Variants in PIK3CG observed in about 807,000 individuals in gnomAD.
PIK3CG encodes phosphatidylinositol-4,5-bisphosphate 3-kinase catalytic subunit gamma, also known as phosphatidylinositol 4,5-bisphosphate 3-kinase catalytic subunit gamma isoform.
In PIK3CG, 55 loss-of-function variants were observed where a neutral mutation model predicts 102.3. The observed-to-expected ratio is 0.54, with a 90% CI of 0.43 to 0.67. The LOEUF (loss-of-function observed/expected upper bound fraction) is 0.67, where lower values mean the gene tolerates loss of function less well. Among genes scored for constraint, PIK3CG ranks in the 30% least tolerant of loss-of-function variants. The pLI, the probability that PIK3CG is intolerant of heterozygous loss-of-function variation, is 0.00. For missense variants in PIK3CG, 1,258 were observed against 1,391.8 expected, an observed-to-expected ratio of 0.90 and a Z score of 1.53; for synonymous variants, 552 against 540.0, an observed-to-expected ratio of 1.02 and a Z score of -0.31.
intron 9 of PIK3CG, 21 bp from the exon 10 acceptor site, chr7:106,886,114 C>T (rs2116559999): frequency 6.2e-7 from 1 of 1,609,684 alleles, no homozygotes. Context: ...GTAATGATGT[C>T]AGATACTTTC....
At chr7:106,871,520 G>A (rs1184106720) in intron 2 of PIK3CG, among the ~76,000 whole-genome samples, 1 of 152,172 alleles carries the variant, frequency 6.6e-6, no homozygotes, top group Non-Finnish European at 1.5e-5. Flanking sequence ...AAACTAGAAT[G>A]TGAATTTCTT....
In PIK3CG at chr7:106,890,339, A is replaced by G. The variant is rs1227072706; in HGVS notation, c.3030+4047A>G. Among the ~76,000 whole-genome samples the G allele has an allele frequency of 2.0e-5, 3 of 151,782 alleles. No homozygotes were observed. The highest frequency in any genetic ancestry group is 4.8e-5 in the African/African-American group (2 of 41,306). ...TGGGACTACAGGCGCCTGCCACCAC[A>G]TCCAGCTAATTTTTCATATTTTTAG... On this transcript the variant is annotated intron_variant, in intron 10 of 10. Transcript: ENST00000496166. The surrounding 1 kb of genome is among the most constrained non-coding windows in gnomAD (Gnocchi z 4.2).
In PIK3CG at chr7:106,879,581, C is replaced by T. The variant is rs763798647; in HGVS notation, c.2454C>T (p.Ala818=). The change falls in exon 6 of 11, where the codon GCC becomes GCT. Residue 818 remains alanine (A), a synonymous_variant. Transcript: ENST00000496166. The surrounding 1 kb of genome is among the most constrained non-coding windows in gnomAD (Gnocchi z 4.9). ...CACTATGGCTTGAGTTTAAATGTGC[C>T]GATCCTACAGCCCTATCAAATGAAA... is the stretch of plus-strand genomic sequence containing the variant. ...KKPLWLEFKC[A]DPTALSNETI... is the part of the protein sequence containing the mutation. 1.4e-5 allele frequency: 22 copies of T among 1,612,438 alleles called. No individual in the cohort carries two copies. The highest frequency in any genetic ancestry group is 2.7e-5 in the African/African-American group (2 of 74,844).
Position 106,868,577 on chromosome 7 carries a change from T to A in PIK3CG, c.1016T>A (p.Leu339His), listed in dbSNP as rs1486644188. The change falls in exon 2 of 11, where the codon CTT (leucine) becomes CAT (histidine). Residue 339 changes from leucine to histidine, a missense_variant. Transcript: ENST00000496166. The surrounding 1 kb of genome is among the most constrained non-coding windows in gnomAD (Gnocchi z 6.2). The part of the protein sequence containing the change: ...CTGVTGYHEQ[L>H]TIHGKDHESV... ...GGAGTCACCGGCTACCATGAGCAGC[T>A]TACCATCCACGGCAAGGACCACGAG... 1.2e-6 allele frequency: 2 copies of A among 1,614,158 alleles called. No individual in the cohort carries two copies. Among genetic ancestry groups the A allele is most frequent in the Admixed American group, 3.3e-5 (2 of 60,020 alleles).
In PIK3CG at chr7:106,891,314, G is replaced by A. The variant is rs755443607; in HGVS notation, c.3030+5022G>A. On this transcript the variant is annotated intron_variant, in intron 10 of 10. Transcript: ENST00000496166. The surrounding 1 kb of genome is among the most constrained non-coding windows in gnomAD (Gnocchi z 4.4). The stretch of plus-strand genomic sequence containing the variant: ...ACCATCATCACATGGAAGGTAATAA[G>A]CCTTCAGGAGGCAGGTTAACATGCG... 5.9e-5 allele frequency among the ~76,000 whole-genome samples: 9 copies of A among 152,194 alleles called. No individual in the cohort carries two copies. Among genetic ancestry groups the A allele is most frequent in the Non-Finnish European group, 1.2e-4 (8 of 68,044 alleles).
rs962211826 is a variant in PIK3CG at position 106,868,775 on chromosome 7, C to G, written c.1214C>G (p.Thr405Arg). 6.2e-7 allele frequency: 1 copy of G among 1,614,118 alleles called. No individual in the cohort carries two copies. The highest frequency in any genetic ancestry group is 8.5e-7 in the Non-Finnish European group (1 of 1,180,050). ...AGGAGAACCAGCCCCAAACCCTTCA[C>G]AGAGGAGGTGCTGTGGAATGTGTGG... ...CQRRTSPKPF[T>R]EEVLWNVWLE... The change falls in exon 2 of 11, where the codon ACA (threonine) becomes AGA (arginine). Residue 405 changes from threonine to arginine, a missense_variant. Transcript: ENST00000496166. This position sits in a 1 kb window ranked among gnomAD's most constrained non-coding sequence, Gnocchi z 6.2.
chr7:106,882,826 C>T (rs1790980196), intron 7 of PIK3CG: 1 of 461,042 alleles, frequency 2.2e-6, no homozygotes, highest in Non-Finnish European at 3.8e-6. Flanking sequence ...ATATTGAAAA[C>T]ATATCCCACA....
Position 106,869,485 on chromosome 7 carries a change from G to A in PIK3CG, c.1924G>A (p.Ala642Thr). The A allele has an allele frequency of 1.9e-6, 3 of 1,614,226 alleles. No homozygotes were observed. Among genetic ancestry groups the A allele is most frequent in the Non-Finnish European group, 1.7e-6 (2 of 1,180,032 alleles). Residue 642 changes from alanine to threonine, a missense_variant, in exon 2 of 11, where the codon GCC becomes ACC. By Grantham distance (58) the Ala-to-Thr change is moderately conservative. Around this residue, in one of 2 missense-constraint regions of PIK3CG, gnomAD observed 426 missense variants for 604.2 expected, o/e 0.71. Coordinates refer to ENST00000496166, the MANE Select transcript of PIK3CG (RefSeq NM_001282426.2). The surrounding 1 kb of genome is among the most constrained non-coding windows in gnomAD (Gnocchi z 5.3). The part of the protein sequence containing the change: ...DCNFSDENVR[A>T]IAVQKLESLE... Reference sequence around the variant, plus strand: ...CAACTTCTCAGATGAAAATGTAAGAGCCATTGCAGTTCAGAAACTGGAGAG... The same window carrying A: ...CAACTTCTCAGATGAAAATGTAAGAACCATTGCAGTTCAGAAACTGGAGAG...
Position 106,868,279 on chromosome 7 carries a change from A to AC in PIK3CG, c.723dup (p.Gly242ArgfsTer38), listed in dbSNP as rs1790388553. The AC allele has an allele frequency of 1.9e-6, 3 of 1,613,820 alleles. No individual in the cohort carries two copies. Among genetic ancestry groups the AC allele is most frequent in the Non-Finnish European group, 1.7e-6 (2 of 1,180,014 alleles). On this transcript the variant is annotated frameshift_variant, in exon 2 of 11. Transcript: ENST00000496166. LOFTEE classifies it high-confidence loss of function. This position sits in a 1 kb window ranked among gnomAD's most constrained non-coding sequence, Gnocchi z 6.2. ...GACCATTAAGGTCTCACCCGACGACACCCCCGGCGCCATCCTGCAGAGCTT... is the reference window on the plus strand; with the variant it reads ...GACCATTAAGGTCTCACCCGACGACACCCCCCGGCGCCATCCTGCAGAGCTT...
In PIK3CG at chr7:106,883,849, A is replaced by G. The variant is rs1404338304; in HGVS notation, c.2761-306A>G. 4.6e-5 allele frequency among the ~76,000 whole-genome samples: 7 copies of G among 152,224 alleles called. No homozygotes were observed. The highest frequency in any genetic ancestry group is 7.3e-5 in the Non-Finnish European group (5 of 68,042). On this transcript the variant is annotated intron_variant, in intron 8 of 10. Coordinates refer to ENST00000496166, the MANE Select transcript of PIK3CG (RefSeq NM_001282426.2). The surrounding 1 kb of genome is among the most constrained non-coding windows in gnomAD (Gnocchi z 5.8). ...GTTCACAAATGAAGGAGAAATTACC[A>G]TGGGTTCTATATAGTTGTTGGCAAG...
At position 106,905,271 on chromosome 7, in the gene PIK3CG, A is replaced by G. The variant is rs151301577; in HGVS notation, c.3193A>G (p.Lys1065Glu). The G allele has an allele frequency of 1.2e-6, 2 of 1,614,134 alleles. No homozygotes were observed. The highest frequency in any genetic ancestry group is 1.3e-5 in the African/African-American group (1 of 75,050). The change falls in exon 11 of 11, where the codon AAA becomes GAA. Residue 1065 changes from lysine to glutamate, a missense_variant. By Grantham distance (56) the Lys-to-Glu change is moderately conservative. Around this residue, in one of 2 missense-constraint regions of PIK3CG, gnomAD observed 426 missense variants for 604.2 expected, o/e 0.71. Coordinates refer to ENST00000496166, the MANE Select transcript of PIK3CG (RefSeq NM_001282426.2). This position sits in a 1 kb window ranked among gnomAD's most constrained non-coding sequence, Gnocchi z 5.6. ...AGTGGGGAAAAATGAGGAGGATGCT[A>G]AAAAGTATTTTCTTGATCAGATCGA... ...LTVGKNEEDA[K>E]KYFLDQIEVC...
chr7:106,878,388 G>A (rs1250991119), intron 5 of PIK3CG, among the ~76,000 whole-genome samples: 1 of 152,142 alleles, frequency 6.6e-6, no homozygotes, highest in Non-Finnish European at 1.5e-5. Flanking sequence ...TTGAATTTGT[G>A]AGTTTATAGT....
At chr7:106,875,038 A>C (rs2116501270) in intron 5 of PIK3CG, among the ~76,000 whole-genome samples, 1 of 152,276 alleles carries the variant, frequency 6.6e-6, no homozygotes, top group East Asian at 1.9e-4. Context: ...GTATACAATA[A>C]AAATTGTCCA....
intron 2 of PIK3CG, among the ~76,000 whole-genome samples, chr7:106,871,722 G>A (rs572102003): frequency 6.6e-6 from 1 of 152,222 alleles, no homozygotes; most frequent in African/African-American, 2.4e-5. Flanking sequence ...TTACAGAAAA[G>A]CACAGAGAAC....
At chr7:106,904,984 G>A (rs534944540) in intron 10 of PIK3CG, 125 bp from the exon 11 acceptor site, 21 of 792,936 alleles carry the variant, frequency 2.6e-5, no homozygotes, top group Admixed American at 9.6e-5. Context: ...TCTGAGGCAG[G>A]GACCTTGATG....
chr7:106,882,918 A>T, intron 7 of PIK3CG, 115 bp from the exon 8 acceptor site: 1 of 119,784 alleles, frequency 8.3e-6, no homozygotes, highest in Non-Finnish European at 1.3e-5. Flanking sequence ...CTCTCTGGTC[A>T]AAAAAAAAAA....
Position 106,882,224 on chromosome 7 carries a change from G to T in PIK3CG, c.2629+17G>T. 7.6e-7 allele frequency: 1 copy of T among 1,310,804 alleles called. No individual in the cohort carries two copies. The highest frequency in any genetic ancestry group is 1.1e-6 in the Non-Finnish European group (1 of 936,664). The allele number at this position is 1,310,804 out of a possible 1,614,324, so 81.2% of individuals were successfully genotyped here. A position where few individuals can be genotyped will look rare whatever the true frequency, so the allele number is the denominator to read the frequency against. ...ACAAAATAGGTATGTAGTTACCTCAGGAGATGAATAGACCTCTCAGCTCGT... is the reference window on the plus strand; with the variant it reads ...ACAAAATAGGTATGTAGTTACCTCATGAGATGAATAGACCTCTCAGCTCGT... On this transcript the variant is annotated intron_variant, in intron 7 of 10. Transcript: ENST00000496166.
rs2116455280 is a variant in PIK3CG at position 106,868,998 on chromosome 7, A to G, written c.1437A>G (p.Glu479=). The change falls in exon 2 of 11, where the codon GAA becomes GAG. Residue 479 remains glutamate, a synonymous_variant. Coordinates refer to ENST00000496166, the MANE Select transcript of PIK3CG (RefSeq NM_001282426.2). This position sits in a 1 kb window ranked among gnomAD's most constrained non-coding sequence, Gnocchi z 6.2. Reference sequence around the variant, plus strand: ...ACCGTTTCCTCCTGCGCCGTGGAGAATACGTCCTCCACATGTGGCAGATAT... The same window carrying G: ...ACCGTTTCCTCCTGCGCCGTGGAGAGTACGTCCTCCACATGTGGCAGATAT... The part of the protein sequence containing the change: ...IDHRFLLRRG[E]YVLHMWQISG... The G allele has an allele frequency of 2.5e-6, 4 of 1,614,180 alleles. No homozygotes were observed. The highest frequency in any genetic ancestry group is 3.4e-6 in the Non-Finnish European group (4 of 1,180,042).
intron 9 of PIK3CG, among the ~76,000 whole-genome samples, chr7:106,885,138 T>C (rs569000946): frequency 1.3e-5 from 2 of 152,122 alleles, no homozygotes; most frequent in South Asian, 2.1e-4. Flanking sequence ...CATGGACCTG[T>C]CCATGGCCCA....
Sources: allele counts gnomAD v4.1 joint callset (sites outside exome capture counted in the v4.1 genomes callset), GRCh38; gene constraint gnomAD v4.1.1; regional missense constraint gnomAD v4.1.1; non-coding constraint Gnocchi (gnomAD v3.1); transcripts MANE v1.5; gene names NCBI Gene and HGNC (gene_info 2026-07-23, HGNC 2026-07-21).